The following KCNK16 variants were observed in gnomAD, a reference collection of about 807,000 sequenced individuals.
KCNK16 encodes potassium two pore domain channel subfamily K member 16.
In KCNK16, 23 loss-of-function variants were observed where a neutral mutation model predicts 23.0. The observed-to-expected ratio is 1.00, with a 90% CI of 0.72 to 1.41. The LOEUF (loss-of-function observed/expected upper bound fraction) is 1.41. Ranked by LOEUF, KCNK16 falls within the 40% of genes most tolerant of loss-of-function variation. The pLI, the probability that KCNK16 is intolerant of heterozygous loss-of-function variation, is 0.00. For synonymous variants in KCNK16, 145 were observed against 153.5 expected, an observed-to-expected ratio of 0.94 and a Z score of 0.41; for missense variants, 327 against 365.8, an observed-to-expected ratio of 0.89 and a Z score of 0.87.
At chr6:39,315,218 A>G (rs765111194), downstream of KCNK16, 2 of 1,613,660 alleles carry the variant, frequency 1.2e-6, no homozygotes, top group South Asian at 1.1e-5. Context: ...CCCGGGATGG[A>G]GTGGTCTAAA....
chr6:39,318,885 A>C (rs969845314), intron 2 of KCNK16, 134 bp downstream of exon 2: 1 of 641,100 alleles, frequency 1.6e-6, no homozygotes, highest in East Asian at 2.7e-5. Context: ...CTACTGTTTC[A>C]CTTACCCACT....
rs761428386 is a variant in KCNK16, at chr6:39,322,279, C to T, written c.213+49G>A. 3.8e-6 allele frequency: 6 copies of T among 1,582,032 alleles called. No individual in the cohort carries two copies. In the African/African-American group the frequency reaches 4.0e-5, roughly 11 times the overall value. ...GATCTGCCACAGGAACCCCATTCCA[C>T]CAACCTTCCCAAGCCTCTCCATCCC... On this transcript the variant is annotated intron_variant, in intron 1 of 4. Transcript: ENST00000437525.
In KCNK16 at chr6:39,319,197, CCATGCTTTTGGCAG is replaced by C; in HGVS notation, c.214-78_214-65del. The stretch of plus-strand genomic sequence containing the variant: ...GATGGTTACTGGGCACCAGTTGTTG[CCATGCTTTTGGCAG>C]CATGCTTTTGTGTCATCTCATCTAA... On this transcript the variant is annotated intron_variant, in intron 1 of 4. Coordinates refer to ENST00000437525, the MANE Select transcript of KCNK16 (RefSeq NM_001135106.2). The surrounding 1 kb of genome is among the most constrained non-coding windows in gnomAD (Gnocchi z 4.2). 1.1e-6 allele frequency: 1 copy of C among 920,850 alleles called. No homozygotes were observed. Among genetic ancestry groups the C allele is most frequent in the Non-Finnish European group, 1.8e-6 (1 of 553,690 alleles). The allele number at this position is 920,850 out of a possible 1,614,324, so 57.0% of individuals were successfully genotyped here. A position where few individuals can be genotyped will look rare whatever the true frequency, so the allele number is the denominator to read the frequency against.
chr6:39,319,077 G>C lies in KCNK16; in HGVS notation c.270C>G (p.Pro90=), dbSNP rs1479805734. 6.2e-7 allele frequency: 1 copy of C among 1,614,118 alleles called. No homozygotes were observed. The highest frequency in any genetic ancestry group is 8.5e-7 in the Non-Finnish European group (1 of 1,180,004). The change falls in exon 2 of 5, where the codon CCC becomes CCG. Residue 90 remains proline (P), a synonymous_variant. Coordinates refer to ENST00000437525, the MANE Select transcript of KCNK16 (RefSeq NM_001135106.2). This position sits in a 1 kb window ranked among gnomAD's most constrained non-coding sequence, Gnocchi z 4.2. ...AACTGCTGCCAAAGTCCCAGTTGCT[G>C]GGGTTGGTAGAGTTGCCTTTGGGGT... is the stretch of plus-strand genomic sequence containing the variant. The part of the protein sequence containing the change: ...GVNPKGNSTN[P]SNWDFGSSFF...
chr6:39,318,619 A>G (rs1045907732), intron 2 of KCNK16, among the ~76,000 whole-genome samples: 1 of 152,140 alleles, frequency 6.6e-6, no homozygotes. Flanking sequence ...TCTCTACCTG[A>G]GAGATTCTTC....
chr6:39,321,419 T>C (rs1444654219), intron 1 of KCNK16, among the ~76,000 whole-genome samples: 1 of 152,220 alleles, frequency 6.6e-6, no homozygotes, highest in Non-Finnish European at 1.5e-5. Context: ...ATAGGGATTG[T>C]AATAGGTAAT....
At chr6:39,317,246 T>A (rs1187855407) in intron 3 of KCNK16, among the ~76,000 whole-genome samples, 2 of 152,212 alleles carry the variant, frequency 1.3e-5, no homozygotes, top group Middle Eastern at 3.2e-3. Flanking sequence ...CAGAAAAGTA[T>A]CATTGAACTG....
chr6:39,315,247 G>A (rs1370584247), downstream of KCNK16: 2 of 1,608,326 alleles, frequency 1.2e-6, no homozygotes, highest in Non-Finnish European at 1.7e-6. Flanking sequence ...GGTCAGGGAT[G>A]TTGCAGTCTG....
downstream of KCNK16, chr6:39,315,226 A>G (rs768913648): frequency 1.2e-6 from 2 of 1,613,426 alleles, no homozygotes; most frequent in Non-Finnish European, 1.7e-6. Flanking sequence ...GGAGTGGTCT[A>G]AATCTCTCCT....
chr6:39,318,691 G>T (rs755344252), intron 2 of KCNK16, among the ~76,000 whole-genome samples: 1 of 152,216 alleles, frequency 6.6e-6, no homozygotes, highest in Non-Finnish European at 1.5e-5. Context: ...TAATATACTC[G>T]GGACCAGCTC....
downstream of KCNK16, chr6:39,315,414 T>C (rs1762270992): frequency 1.3e-6 from 2 of 1,550,766 alleles, no homozygotes; most frequent in Admixed American, 2.0e-5. Flanking sequence ...GAGGGAGTGA[T>C]GAAGTTAAGG....
chr6:39,317,930 G>A lies in KCNK16; in HGVS notation c.351C>T (p.Ser117=). The part of the protein sequence containing the change: ...TTIGYGNLAP[S]TEAGQVFCVF... ...CACAGAAGACCTGACCTGCCTCTGTGCTGGGTGCCAGGTTCCCATATCCTG... is the reference window on the plus strand; with the variant it reads ...CACAGAAGACCTGACCTGCCTCTGTACTGGGTGCCAGGTTCCCATATCCTG... The change falls in exon 3 of 5, where the codon AGC becomes AGT. Residue 117 remains serine (S), a synonymous_variant. Coordinates refer to ENST00000437525, the MANE Select transcript of KCNK16 (RefSeq NM_001135106.2). The A allele has an allele frequency of 6.2e-7, 1 of 1,610,006 alleles. No homozygotes were observed. The highest frequency in any genetic ancestry group is 2.2e-5 in the East Asian group (1 of 44,670).
intron 1 of KCNK16, 152 bp downstream of exon 1, chr6:39,322,176 G>T: frequency 1.5e-6 from 2 of 1,334,974 alleles, no homozygotes; most frequent in Non-Finnish European, 2.0e-6. Flanking sequence ...CAGAATCCAG[G>T]ATTAGATCTC....
At position 39,319,241 on chromosome 6, in the gene KCNK16, AC is replaced by A; in HGVS notation, c.214-109del. 1 of 704,282 alleles carries A rather than the reference AC, an allele frequency of 1.4e-6. No individual in the cohort carries two copies. Among genetic ancestry groups the A allele is most frequent in the Non-Finnish European group, 2.6e-6 (1 of 386,790 alleles). The allele number at this position is 704,282 out of a possible 1,614,324, so 43.6% of individuals were successfully genotyped here. A position where few individuals can be genotyped will look rare whatever the true frequency, so the allele number is the denominator to read the frequency against. On this transcript the variant is annotated intron_variant, in intron 1 of 4. Transcript: ENST00000437525. The surrounding 1 kb of genome is among the most constrained non-coding windows in gnomAD (Gnocchi z 4.2). ...CTTTTGTGTCATCTCATCTAATGAT[AC>A]TCTTAGATGATATTGTTCCCATTTC...
rs1762423127 is a variant in KCNK16, at chr6:39,319,048, A to C, written c.299T>G (p.Phe100Cys). The C allele has an allele frequency of 4.3e-6, 7 of 1,613,976 alleles. No individual in the cohort carries two copies. The highest frequency in any genetic ancestry group is 5.9e-6 in the Non-Finnish European group (7 of 1,179,872). Residue 100 changes from phenylalanine (F) to cysteine (C), a missense_variant, in exon 2 of 5, where the codon TTC (phenylalanine) becomes TGC (cysteine). By Grantham distance (205) the Phe-to-Cys change is radical. Coordinates refer to ENST00000437525, the MANE Select transcript of KCNK16 (RefSeq NM_001135106.2). The surrounding 1 kb of genome is among the most constrained non-coding windows in gnomAD (Gnocchi z 4.2). ...GGTAGTGACGACTGTGCCTGCAAAG[A>C]AGAAACTGCTGCCAAAGTCCCAGTT... ...PSNWDFGSSF[F>C]FAGTVVTTIG...
intron 4 of KCNK16, 63 bp downstream of exon 4, chr6:39,316,719 C>A: frequency 6.4e-7 from 1 of 1,558,330 alleles, no homozygotes; most frequent in South Asian, 1.2e-5. Flanking sequence ...GCTGACATCT[C>A]TCCATCCCCC....
chr6:39,317,864 G>T lies in KCNK16; in HGVS notation c.417C>A (p.Phe139Leu), dbSNP rs953281799. The stretch of plus-strand genomic sequence containing the variant: ...GCAGCCCTGTGCCCAGGTGGTTGAG[G>T]AAGATCACGTTAAGCGGGATGCCCA... ...ALLGIPLNVI[F>L]LNHLGTGLRA... Residue 139 changes from phenylalanine to leucine, a missense_variant, in exon 3 of 5, where the codon TTC becomes TTA. Transcript: ENST00000437525. 1 of 1,613,794 alleles carries T rather than the reference G, an allele frequency of 6.2e-7. No individual in the cohort carries two copies. The highest frequency in any genetic ancestry group is 8.5e-7 in the Non-Finnish European group (1 of 1,179,926).
At chr6:39,314,757 G>C (rs904582001), downstream of KCNK16, 2 of 491,450 alleles carry the variant, frequency 4.1e-6, no homozygotes, top group Admixed American at 3.7e-5. Flanking sequence ...TCTTGGACTC[G>C]GGGGCTATCT....
downstream of KCNK16, chr6:39,314,878 G>A: frequency 3.1e-6 from 3 of 965,446 alleles, no homozygotes; most frequent in South Asian, 1.6e-5. Context: ...TTGTCCATGA[G>A]CTTGGGAGGT....
Sources: gnomAD v4.1 joint callset for allele counts (sites outside exome capture counted in the v4.1 genomes callset) on GRCh38, gnomAD v4.1.1 for gene constraint, Gnocchi (gnomAD v3.1) non-coding constraint, MANE v1.5 for transcripts, NCBI Gene and HGNC (gene_info 2026-07-23, HGNC 2026-07-21) for gene names.